Variants in ARHGAP12 observed in about 807,000 individuals in gnomAD.
ARHGAP12 encodes rho GTPase-activating protein 12.
ARHGAP12 carries 64 observed loss-of-function variants against 108.6 expected under a neutral mutation model. That is an observed-to-expected ratio of 0.59 (90% CI 0.48 to 0.73). The LOEUF is 0.73. Ranked by LOEUF, ARHGAP12 falls within the 30% of genes least tolerant of loss-of-function variation. The pLI is 0.00. For synonymous variants in ARHGAP12, 312 were observed against 337.2 expected, an observed-to-expected ratio of 0.93 and a Z score of 0.82; for missense variants, 940 against 1,005.9, an observed-to-expected ratio of 0.93 and a Z score of 0.89.
intron 3 of ARHGAP12, among the ~76,000 whole-genome samples, chr10:31,896,789 C>CA (rs1838718298): frequency 6.6e-6 from 1 of 152,120 alleles, no homozygotes; most frequent in South Asian, 2.1e-4. Flanking sequence ...TGGAAGTCAT[C>CA]ATTCTCATCC....
In ARHGAP12 at chr10:31,814,282, T is replaced by A. The variant is rs751258452; in HGVS notation, c.1811A>T (p.Gln604Leu). 1.2e-6 allele frequency: 2 copies of A among 1,613,962 alleles called. No individual in the cohort carries two copies. The highest frequency in any genetic ancestry group is 1.7e-6 in the Non-Finnish European group (2 of 1,179,966). Reference sequence around the variant, plus strand: ...ACAACGAAGCTTTTTGGGATCCTTTTGTTCCTTTTCTTTATCATGCTTTTC... The same window carrying A: ...ACAACGAAGCTTTTTGGGATCCTTTAGTTCCTTTTCTTTATCATGCTTTTC... ...GIEKHDKEKE[Q>L]KDPKKLRSFK... Residue 604 changes from glutamine (Q) to leucine (L), a missense_variant, in exon 14 of 20, where the codon CAA becomes CTA. By Grantham distance (113) the Gln-to-Leu change is moderately radical. Transcript: ENST00000344936.
intron 3 of ARHGAP12, among the ~76,000 whole-genome samples, chr10:31,884,582 A>G (rs867065084): frequency 5.3e-5 from 8 of 152,248 alleles, no homozygotes; most frequent in African/African-American, 4.8e-5. Flanking sequence ...TCTAAAAATC[A>G]TAACAATTAA....
intron 1 of ARHGAP12, among the ~76,000 whole-genome samples, chr10:31,925,849 T>C (rs996149307): frequency 6.6e-6 from 1 of 152,200 alleles, no homozygotes; most frequent in Non-Finnish European, 1.5e-5. Context: ...CACTTGATAT[T>C]TCAAAAAACC....
chr10:31,848,196 G>A (rs557963585), intron 6 of ARHGAP12, among the ~76,000 whole-genome samples: 2 of 152,174 alleles, frequency 1.3e-5, no homozygotes, highest in African/African-American at 4.8e-5. Flanking sequence ...GGACAATTTG[G>A]GAGGCCACCA....
At chr10:31,819,475 T>C (rs933737147) in intron 12 of ARHGAP12, among the ~76,000 whole-genome samples, 39 of 152,312 alleles carry the variant, frequency 2.6e-4, no homozygotes, top group African/African-American at 9.1e-4. Context: ...CTTCTGTCAA[T>C]AGGCTGCCTC....
chr10:31,900,987 G>A (rs909990365), intron 3 of ARHGAP12, among the ~76,000 whole-genome samples: 2 of 152,120 alleles, frequency 1.3e-5, no homozygotes, highest in African/African-American at 2.4e-5. Context: ...AGGCTGAGGC[G>A]GGCTGATCAC....
chr10:31,873,167 T>C (rs1837606051), intron 3 of ARHGAP12, among the ~76,000 whole-genome samples: 1 of 152,206 alleles, frequency 6.6e-6, no homozygotes, highest in African/African-American at 2.4e-5. Context: ...TTTAACACAA[T>C]GTATCCAAAA....
At chr10:31,906,495 C>G (rs1211640966) in intron 3 of ARHGAP12, among the ~76,000 whole-genome samples, 1 of 152,138 alleles carries the variant, frequency 6.6e-6, no homozygotes, top group Non-Finnish European at 1.5e-5. Flanking sequence ...TAACCATGTG[C>G]TCCCCAAAGC....
intron 1 of ARHGAP12, among the ~76,000 whole-genome samples, chr10:31,915,242 C>T (rs183779797): frequency 1.3e-5 from 2 of 152,060 alleles, no homozygotes; most frequent in Admixed American, 6.6e-5. Flanking sequence ...CAAAATTAGC[C>T]AGGCGTGGTA....
intron 3 of ARHGAP12, among the ~76,000 whole-genome samples, chr10:31,887,650 GT>G (rs1247511414): frequency 5.2e-5 from 7 of 135,578 alleles, no homozygotes; most frequent in East Asian, 4.3e-4. Context: ...TGCCCTTCCT[GT>G]TTTTTTTTTG....
At chr10:31,907,258 T>C (rs1040268032) in intron 3 of ARHGAP12, among the ~76,000 whole-genome samples, 3 of 151,990 alleles carry the variant, frequency 2.0e-5, no homozygotes, top group Non-Finnish European at 2.9e-5. Flanking sequence ...CAATTTCACG[T>C]ATGTACTTTT....
intron 5 of ARHGAP12, among the ~76,000 whole-genome samples, chr10:31,853,080 G>T (rs1836759632): frequency 6.6e-6 from 1 of 152,102 alleles, no homozygotes; most frequent in Admixed American, 6.6e-5. Flanking sequence ...TTTAAGTTTG[G>T]TAAGAATAAA....
intron 1 of ARHGAP12, among the ~76,000 whole-genome samples, chr10:31,921,405 A>AC (rs1839799983): frequency 6.6e-6 from 1 of 152,234 alleles, no homozygotes; most frequent in East Asian, 1.9e-4. Flanking sequence ...GCCAGAAAAA[A>AC]CACAAAGTCT....
rs374781140 is a variant in ARHGAP12 at position 31,809,327 on chromosome 10, T to A, written c.2051-20A>T. ...CCAAACCTAAGAGACAATAATAATTTGTGTGTGTGTGTGTTTAAAGTACTT... is the reference window on the plus strand; with the variant it reads ...CCAAACCTAAGAGACAATAATAATTAGTGTGTGTGTGTGTTTAAAGTACTT... On this transcript the variant is annotated intron_variant, in intron 16 of 19. Coordinates refer to ENST00000344936, the MANE Select transcript of ARHGAP12 (RefSeq NM_018287.7). 4 of 1,575,032 alleles carry A rather than the reference T, an allele frequency of 2.5e-6. No homozygotes were observed. In the African/African-American group the frequency reaches 5.4e-5, roughly 21 times the overall value.
intron 12 of ARHGAP12, 107 bp downstream of exon 12, chr10:31,820,280 T>C (rs948684193): frequency 1.3e-6 from 1 of 750,720 alleles, no homozygotes; most frequent in African/African-American, 1.8e-5. Flanking sequence ...TCACCAACTT[T>C]GCCTTAACTA....
intron 3 of ARHGAP12, among the ~76,000 whole-genome samples, chr10:31,893,367 A>G (rs571960718): frequency 6.6e-6 from 1 of 152,222 alleles, no homozygotes; most frequent in African/African-American, 2.4e-5. Context: ...ATGAAGAACA[A>G]AAGAGAGAAG....
At chr10:31,820,325 A>AAAAAC (rs1835358037) in intron 12 of ARHGAP12, 62 bp downstream of exon 12, 2 of 1,385,822 alleles carry the variant, frequency 1.4e-6, no homozygotes, top group Non-Finnish European at 9.9e-7. Context: ...AAATAGCTCA[A>AAAAAC]AAAACAGAAC....
At chr10:31,910,006 AG>A (rs1839282325) in intron 2 of ARHGAP12, among the ~76,000 whole-genome samples, 1 of 152,194 alleles carries the variant, frequency 6.6e-6, no homozygotes, top group African/African-American at 2.4e-5. Context: ...CTAAAAGCCA[AG>A]GAACACCAAG....
chr10:31,821,427 G>C (rs7913503), intron 11 of ARHGAP12, among the ~76,000 whole-genome samples: 36,037 of 152,014 alleles, frequency 0.24, 4,543 homozygotes, highest in Non-Finnish European at 0.29. Context: ...GTATTGAAAA[G>C]TTTAAAGGTT....
Sources: gnomAD v4.1 joint callset for allele counts (sites outside exome capture counted in the v4.1 genomes callset) on GRCh38, gnomAD v4.1.1 for gene constraint, MANE v1.5 for transcripts, NCBI Gene and HGNC (gene_info 2026-07-23, HGNC 2026-07-21) for gene names.